The following PSPC1 variants were observed in gnomAD, a reference collection of about 807,000 sequenced individuals.
PSPC1 encodes the protein paraspeckle component 1.
A neutral mutation model predicts 51.6 loss-of-function variants in PSPC1; 14 were observed. The ratio of observed to expected loss-of-function variants is 0.27; its 90% confidence interval spans 0.18 to 0.42. The LOEUF (loss-of-function observed/expected upper bound fraction) is 0.42, where lower values mean the gene tolerates loss of function less well. PSPC1 is among the 10% of genes least tolerant of loss of function. The pLI, the probability that PSPC1 is intolerant of heterozygous loss-of-function variation, is 1.00. For missense variants in PSPC1, 406 were observed against 701.1 expected, an observed-to-expected ratio of 0.58 and a Z score of 4.75; for synonymous variants, 193 against 231.9, an observed-to-expected ratio of 0.83 and a Z score of 1.53.
At chr13:19,763,730 G>A (rs1225954856) in intron 2 of PSPC1, among the ~76,000 whole-genome samples, 1 of 152,196 alleles carries the variant, frequency 6.6e-6, no homozygotes, top group African/African-American at 2.4e-5. Flanking sequence ...GCCAGGCGTG[G>A]TGGCTCACGT....
intron 5 of PSPC1, among the ~76,000 whole-genome samples, chr13:19,732,846 G>A (rs1442157981): frequency 1.3e-5 from 2 of 151,434 alleles, no homozygotes; most frequent in Non-Finnish European, 2.9e-5. Flanking sequence ...AGAATCGCTT[G>A]AGCCCAGGAG....
chr13:19,732,696 G>C (rs950020321), intron 5 of PSPC1, among the ~76,000 whole-genome samples: 1 of 152,116 alleles, frequency 6.6e-6, no homozygotes, highest in Non-Finnish European at 1.5e-5. Context: ...GGAGCCTGAG[G>C]CAGGTGAATC....
intron 6 of PSPC1, among the ~76,000 whole-genome samples, chr13:19,711,432 T>C (rs2137784854): frequency 6.6e-6 from 1 of 151,850 alleles, no homozygotes; most frequent in South Asian, 2.1e-4. Context: ...GTCAGGAGAT[T>C]GAGACCATCC....
chr13:19,780,797 G>T (rs1034054384), intron 1 of PSPC1, among the ~76,000 whole-genome samples: 2 of 151,242 alleles, frequency 1.3e-5, no homozygotes, highest in Non-Finnish European at 2.9e-5. Flanking sequence ...AAACACCCAA[G>T]AATTATCAAT....
At chr13:19,697,248 A>G (rs1879370261) in intron 6 of PSPC1, among the ~76,000 whole-genome samples, 1 of 152,116 alleles carries the variant, frequency 6.6e-6, no homozygotes, top group African/African-American at 2.4e-5. Context: ...CCTACAGACC[A>G]CTCTGGAATA....
At chr13:19,767,846 A>T (rs1888217256) in intron 2 of PSPC1, among the ~76,000 whole-genome samples, 1 of 152,126 alleles carries the variant, frequency 6.6e-6, no homozygotes, top group African/African-American at 2.4e-5. Flanking sequence ...AAAAAGAACA[A>T]ACCATACAAG....
intron 1 of PSPC1, among the ~76,000 whole-genome samples, chr13:19,781,392 GA>G: frequency 6.6e-6 from 1 of 151,862 alleles, no homozygotes. Context: ...AAATATAAAG[GA>G]ATCATAATTT....
chr13:19,685,803 C>T (rs1247982648), intron 6 of PSPC1, among the ~76,000 whole-genome samples: 1 of 152,180 alleles, frequency 6.6e-6, no homozygotes, highest in African/African-American at 2.4e-5. Context: ...TTACAATGAC[C>T]TCAAGGTTAA....
chr13:19,712,132 G>A (rs1413033221), intron 6 of PSPC1, among the ~76,000 whole-genome samples: 2 of 152,130 alleles, frequency 1.3e-5, no homozygotes, highest in African/African-American at 4.8e-5. Flanking sequence ...TTGTTCAGAA[G>A]CTGGTTACAC....
At chr13:19,684,728 GA>G (rs1283488869) in intron 6 of PSPC1, among the ~76,000 whole-genome samples, 5 of 152,180 alleles carry the variant, frequency 3.3e-5, no homozygotes, top group Non-Finnish European at 5.9e-5. Flanking sequence ...AATGCAGGGG[GA>G]AAACAGGTGC....
At chr13:19,711,290 C>T (rs982440200) in intron 6 of PSPC1, among the ~76,000 whole-genome samples, 1 of 152,064 alleles carries the variant, frequency 6.6e-6, no homozygotes. Flanking sequence ...GAGGCTGAGG[C>T]AGGCAGATCA....
At chr13:19,690,066 A>ACTAT (rs1204088197) in intron 6 of PSPC1, among the ~76,000 whole-genome samples, 2 of 152,220 alleles carry the variant, frequency 1.3e-5, no homozygotes, top group Non-Finnish European at 2.9e-5. Context: ...CAAGTCTCAA[A>ACTAT]CTATTAATTA....
chr13:19,741,588 T>C lies in PSPC1; in HGVS notation c.1029A>G (p.Gln343=), dbSNP rs1393007489. The change falls in exon 5 of 9, where the codon CAA becomes CAG. Residue 343 remains glutamine, a synonymous_variant. Transcript: ENST00000338910. ...ACCTTAGTTGTATTTGCTTCCGTTT[T>C]TGCAACTCTTGGTTTCTGAGTTCTT... is the stretch of plus-strand genomic sequence containing the variant. ...RLEELRNQEL[Q]KRKQIQLRHE... 3 of 1,601,388 alleles carry C rather than the reference T, an allele frequency of 1.9e-6. No homozygotes were observed. The highest frequency in any genetic ancestry group is 2.6e-6 in the Non-Finnish European group (3 of 1,171,010).
At chr13:19,686,729 C>T (rs1877928853) in intron 6 of PSPC1, among the ~76,000 whole-genome samples, 1 of 152,124 alleles carries the variant, frequency 6.6e-6, no homozygotes, top group Admixed American at 6.5e-5. Flanking sequence ...GGTATTCTTT[C>T]TAAAGTGCAA....
chr13:19,696,008 TGG>T (rs1593548637), intron 6 of PSPC1, among the ~76,000 whole-genome samples: 1 of 152,140 alleles, frequency 6.6e-6, no homozygotes, highest in East Asian at 1.9e-4. Context: ...GTCGTAGACC[TGG>T]GCCTCCACGA....
intron 6 of PSPC1, among the ~76,000 whole-genome samples, chr13:19,686,678 T>C (rs916047618): frequency 5.9e-5 from 9 of 152,158 alleles, no homozygotes; most frequent in Non-Finnish European, 1.2e-4. Context: ...AAAAATATAG[T>C]TTATGTATAA....
At chr13:19,694,492 A>G (rs967997746) in intron 6 of PSPC1, among the ~76,000 whole-genome samples, 1 of 152,238 alleles carries the variant, frequency 6.6e-6, no homozygotes, top group African/African-American at 2.4e-5. Flanking sequence ...TGCCACATTT[A>G]AAAGTTGAGA....
intron 5 of PSPC1, chr13:19,737,061 T>C (rs1884919582): frequency 6.6e-6 from 1 of 152,128 alleles, no homozygotes; most frequent in South Asian, 2.1e-4. Flanking sequence ...ACGGGAGTTT[T>C]TACCTACTCC....
Position 19,768,955 on chromosome 13 carries a change from C to T in PSPC1, c.674+3287G>A, listed in dbSNP as rs1215813983. Among the ~76,000 whole-genome samples, 4 of 145,630 alleles carry T rather than the reference C, an allele frequency of 2.7e-5. 1 individual carries two copies. The highest frequency in any genetic ancestry group is 1.0e-4 in the African/African-American group (4 of 38,564). On this transcript the variant is annotated intron_variant, in intron 2 of 8. Transcript: ENST00000338910. ...TTCCTGACCAGCCTAGCCAACGTGG[C>T]GAAACCCCATCTCTACTGCAAAAAA...
Sources: gnomAD v4.1 joint callset for allele counts (sites outside exome capture counted in the v4.1 genomes callset) on GRCh38, gnomAD v4.1.1 for gene constraint, MANE v1.5 for transcripts, NCBI Gene and HGNC (gene_info 2026-07-23, HGNC 2026-07-21) for gene names.